STK32B: variants seen among roughly 807,000 people sequenced by gnomAD.
The protein encoded by STK32B is serine/threonine kinase 32B.
STK32B carries 43 observed loss-of-function variants against 52.6 expected under a neutral mutation model. That is an observed-to-expected ratio of 0.82 (90% confidence interval 0.64 to 1.05). The LOEUF (loss-of-function observed/expected upper bound fraction) is 1.05. Ranked by LOEUF, STK32B falls within the 50% of genes least tolerant of loss-of-function variation. The probability of loss-of-function intolerance (pLI) is 0.00; values close to 1 mark genes in which losing one functional copy is unlikely to be tolerated. For synonymous variants in STK32B, 238 were observed against 204.3 expected, an observed-to-expected ratio of 1.17 and a Z score of -1.41; for missense variants, 621 against 534.6, an observed-to-expected ratio of 1.16 and a Z score of -1.59.
intron 2 of STK32B, among the ~76,000 whole-genome samples, chr4:5,167,616 C>A (rs1226427998): frequency 1.3e-5 from 2 of 152,186 alleles, no homozygotes; most frequent in Admixed American, 6.5e-5. Context: ...CTTGTTACCC[C>A]ACTGTGGGGC....
chr4:5,084,895 A>G (rs1002268625), intron 1 of STK32B, among the ~76,000 whole-genome samples: 12 of 152,230 alleles, frequency 7.9e-5, no homozygotes, highest in Middle Eastern at 3.2e-3. Context: ...TGTAGGTTGA[A>G]CAACAACTCC....
At chr4:5,351,258 A>T (rs115293584) in intron 4 of STK32B, among the ~76,000 whole-genome samples, 59 of 152,248 alleles carry the variant, frequency 3.9e-4, no homozygotes, top group Non-Finnish European at 6.6e-4. Context: ...AATTATGTCA[A>T]ATGTTTTCTC....
At chr4:5,275,850 C>G (rs114236083) in intron 3 of STK32B, among the ~76,000 whole-genome samples, 1 of 151,966 alleles carries the variant, frequency 6.6e-6, no homozygotes, top group Non-Finnish European at 1.5e-5. Context: ...TGCCAGTGCC[C>G]TCTCATGTAA....
intron 6 of STK32B, among the ~76,000 whole-genome samples, chr4:5,439,983 A>G (rs1368303005): frequency 6.6e-6 from 1 of 152,212 alleles, no homozygotes; most frequent in Non-Finnish European, 1.5e-5. Flanking sequence ...TGGTACAAGT[A>G]CCATGCTGTT....
At chr4:5,441,638 T>C (rs545299408) in intron 6 of STK32B, among the ~76,000 whole-genome samples, 4 of 152,262 alleles carry the variant, frequency 2.6e-5, no homozygotes, top group African/African-American at 9.6e-5. Context: ...TTTCTTGCCT[T>C]CTGCTAGCTT....
chr4:5,363,634 G>C (rs902666284), intron 4 of STK32B, among the ~76,000 whole-genome samples: 1 of 152,202 alleles, frequency 6.6e-6, no homozygotes, highest in African/African-American at 2.4e-5. Flanking sequence ...AGACTATGAA[G>C]ATCAGCTGGA....
intron 3 of STK32B, among the ~76,000 whole-genome samples, chr4:5,314,378 T>TA (rs1255595059): frequency 6.6e-6 from 1 of 152,150 alleles, no homozygotes; most frequent in Non-Finnish European, 1.5e-5. Flanking sequence ...TACATATTTT[T>TA]AAAAAACTCA....
At chr4:5,288,615 T>G (rs918493946) in intron 3 of STK32B, among the ~76,000 whole-genome samples, 3 of 152,180 alleles carry the variant, frequency 2.0e-5, no homozygotes, top group Non-Finnish European at 4.4e-5. Flanking sequence ...AGTTGTAAGT[T>G]TTTAAATCTA....
intron 2 of STK32B, chr4:5,140,315 A>G (rs1283667692): frequency 2.3e-6 from 3 of 1,284,764 alleles, no homozygotes; most frequent in Admixed American, 2.5e-5. Context: ...TGGTAAGTTC[A>G]TATTTGTGAT....
intron 6 of STK32B, among the ~76,000 whole-genome samples, chr4:5,425,182 A>G (rs1401805863): frequency 6.6e-6 from 1 of 152,240 alleles, no homozygotes; most frequent in Non-Finnish European, 1.5e-5. Flanking sequence ...CAGTAGCACA[A>G]GCTGAGTGCA....
intron 1 of STK32B, among the ~76,000 whole-genome samples, chr4:5,074,168 G>T (rs932600898): frequency 1.4e-5 from 2 of 140,032 alleles, no homozygotes; most frequent in African/African-American, 5.3e-5. Context: ...CGGAGATTCT[G>T]TTCATTTGTA....
At chr4:5,163,388 A>G (rs1718599107) in intron 2 of STK32B, among the ~76,000 whole-genome samples, 1 of 152,162 alleles carries the variant, frequency 6.6e-6, no homozygotes, top group Non-Finnish European at 1.5e-5. Context: ...TGGGAAGGGC[A>G]CCGCATACAG....
At chr4:5,301,013 A>G (rs980647616) in intron 3 of STK32B, among the ~76,000 whole-genome samples, 3 of 152,138 alleles carry the variant, frequency 2.0e-5, no homozygotes, top group African/African-American at 7.2e-5. Flanking sequence ...ATTTTATCAA[A>G]TGCTTTTTCT....
chr4:5,491,962 T>C (rs1719772979), intron 11 of STK32B, among the ~76,000 whole-genome samples: 1 of 152,214 alleles, frequency 6.6e-6, no homozygotes. Context: ...ACCAGTACCA[T>C]GCTGTTTTGG....
At chr4:5,149,278 A>G (rs1296594102) in intron 2 of STK32B, among the ~76,000 whole-genome samples, 2 of 151,802 alleles carry the variant, frequency 1.3e-5, no homozygotes, top group Non-Finnish European at 3.0e-5. Flanking sequence ...TCTTGCTTTA[A>G]AAAAATCCAT....
chr4:5,025,700 T>C, the STK32B span, among the ~76,000 whole-genome samples: 102,850 of 152,016 alleles, frequency 0.68, 35,128 homozygotes, highest in East Asian at 0.89. Flanking sequence ...TTTCTGGGCT[T>C]GCTCTCAAAG....
chr4:5,434,395 A>T (rs1713851700), intron 6 of STK32B, among the ~76,000 whole-genome samples: 1 of 152,008 alleles, frequency 6.6e-6, no homozygotes, highest in African/African-American at 2.4e-5. Flanking sequence ...ATTTTGGAAT[A>T]TAAAACATAG....
chr4:5,112,699 A>G (rs1714469856), intron 1 of STK32B, among the ~76,000 whole-genome samples: 1 of 152,170 alleles, frequency 6.6e-6, no homozygotes, highest in South Asian at 2.1e-4. Flanking sequence ...TGGACATGCA[A>G]ATGAACCATC....
chr4:5,390,900 C>T (rs1278966926), intron 4 of STK32B, among the ~76,000 whole-genome samples: 1 of 151,696 alleles, frequency 6.6e-6, no homozygotes, highest in African/African-American at 2.4e-5. Context: ...GTAGATGTGT[C>T]ACTCCACACG....
Sources: gnomAD v4.1 joint callset for allele counts (sites outside exome capture counted in the v4.1 genomes callset) on GRCh38, gnomAD v4.1.1 for gene constraint, MANE v1.5 for transcripts, NCBI Gene and HGNC (gene_info 2026-07-23, HGNC 2026-07-21) for gene names.